The following MARK2 variants were observed in gnomAD, a reference collection of about 807,000 sequenced individuals.
MARK2 encodes microtubule affinity regulating kinase 2, also known as serine/threonine-protein kinase MARK2.
MARK2 carries 16 observed loss-of-function variants against 89.8 expected under a neutral mutation model. The observed-to-expected ratio is 0.18, with a 90% CI of 0.12 to 0.27. The LOEUF (loss-of-function observed/expected upper bound fraction) is 0.27. MARK2 is among the 10% of genes least tolerant of loss of function. The pLI, the probability that MARK2 is intolerant of heterozygous loss-of-function variation, is 1.00. For missense variants in MARK2, 621 were observed against 1,049.9 expected (o/e 0.59, Z 5.65); for synonymous variants, 382 against 399.5 (o/e 0.96, Z 0.52).
At chr11:63,867,551 C>T (rs570400253) in intron 1 of MARK2, among the ~76,000 whole-genome samples, 199 of 152,332 alleles carry the variant, frequency 1.3e-3, no homozygotes, top group African/African-American at 4.3e-3. Context: ...TTTCCAACTT[C>T]ATTTCCATTA....
intron 1 of MARK2, among the ~76,000 whole-genome samples, chr11:63,845,570 G>A (rs542972382): frequency 3.3e-5 from 5 of 152,276 alleles, no homozygotes; most frequent in African/African-American, 1.2e-4. Flanking sequence ...AAAGGGAAGA[G>A]TAAGCCTTTA....
At position 63,903,987 on chromosome 11, in the gene MARK2, C is replaced by T; in HGVS notation, c.1516C>T (p.Leu506=). ...CTCTCCGCTGCTTTTGTTTCCTAGCCTAACCATGCCAGGGTCCCGGGCCTC... is the reference window on the plus strand; with the variant it reads ...CTCTCCGCTGCTTTTGTTTCCTAGCTTAACCATGCCAGGGTCCCGGGCCTC... The part of the protein sequence containing the change: ...QASIQNGKDS[L]TMPGSRASTA... The change falls in exon 15 of 19, where the codon CTA becomes TTA. Residue 506 remains leucine (L), a splice_region_variant and synonymous_variant. Transcript: ENST00000402010. The surrounding 1 kb of genome is among the most constrained non-coding windows in gnomAD (Gnocchi z 5.1). 1.9e-6 allele frequency: 3 copies of T among 1,604,160 alleles called. No individual in the cohort carries two copies. The highest frequency in any genetic ancestry group is 1.1e-5 in the South Asian group (1 of 90,590).
chr11:63,851,367 G>T (rs1047661616), intron 1 of MARK2, among the ~76,000 whole-genome samples: 48 of 152,156 alleles, frequency 3.2e-4, no homozygotes, highest in South Asian at 2.1e-4. Context: ...GGTCACTTGA[G>T]GCTGGAGGAT....
At chr11:63,884,124 T>C (rs1397605868) in intron 1 of MARK2, among the ~76,000 whole-genome samples, 1 of 152,150 alleles carries the variant, frequency 6.6e-6, no homozygotes, top group Non-Finnish European at 1.5e-5. Flanking sequence ...GAGCCAGGGC[T>C]CCAGAGTACT....
At chr11:63,875,788 GGCT>G (rs1352510900) in intron 1 of MARK2, among the ~76,000 whole-genome samples, 1 of 152,234 alleles carries the variant, frequency 6.6e-6, no homozygotes, top group East Asian at 1.9e-4. Context: ...CCGCCAGAGA[GGCT>G]GCTGGATTCT....
intron 18 of MARK2, 35 bp from the exon 19 acceptor site, chr11:63,908,841 GC>G (rs56263226): frequency 5.7e-6 from 8 of 1,410,790 alleles, no homozygotes; most frequent in Non-Finnish European, 6.5e-6. Flanking sequence ...GGGTGCCTCA[GC>G]CCCCCCGTGA....
At chr11:63,873,044 G>A (rs566497778) in intron 1 of MARK2, among the ~76,000 whole-genome samples, 7 of 151,954 alleles carry the variant, frequency 4.6e-5, no homozygotes, top group Middle Eastern at 3.4e-3. Context: ...TTACTGTCCC[G>A]GGCTGGCACT....
intron 1 of MARK2, among the ~76,000 whole-genome samples, chr11:63,858,083 G>A (rs2135230747): frequency 6.6e-6 from 1 of 152,008 alleles, no homozygotes; most frequent in Non-Finnish European, 1.5e-5. Flanking sequence ...GTGGAGTGCA[G>A]TGGCACCATC....
intron 4 of MARK2, 104 bp downstream of exon 4, chr11:63,898,384 C>A: frequency 8.7e-7 from 1 of 1,143,198 alleles, no homozygotes; most frequent in Non-Finnish European, 1.3e-6. Context: ...AGTCTGCAGT[C>A]TTCAAGGATA....
intron 17 of MARK2, 135 bp downstream of exon 17, chr11:63,906,249 C>T: frequency 8.8e-7 from 1 of 1,135,352 alleles, no homozygotes; most frequent in South Asian, 4.3e-5. Flanking sequence ...GCCCTCCTCT[C>T]TCTGCCATCT....
chr11:63,855,075 A>G (rs539780733), intron 1 of MARK2, among the ~76,000 whole-genome samples: 1 of 152,308 alleles, frequency 6.6e-6, no homozygotes, highest in Admixed American at 6.5e-5. Flanking sequence ...ATTTTGGAAA[A>G]CTTGTGTCTG....
intron 1 of MARK2, among the ~76,000 whole-genome samples, chr11:63,846,850 G>C (rs1171923557): frequency 2.6e-5 from 4 of 151,958 alleles, no homozygotes; most frequent in African/African-American, 9.7e-5. Context: ...TAGAGACGGG[G>C]TTTCACCTTG....
At chr11:63,907,737 C>CT (rs1352876589) in intron 17 of MARK2, among the ~76,000 whole-genome samples, 1 of 152,218 alleles carries the variant, frequency 6.6e-6, no homozygotes, top group East Asian at 1.9e-4. Flanking sequence ...GGCCTTGGCA[C>CT]TTTGAGTCTC....
chr11:63,849,800 A>G (rs887179346), intron 1 of MARK2, among the ~76,000 whole-genome samples: 2 of 152,106 alleles, frequency 1.3e-5, no homozygotes, highest in Non-Finnish European at 2.9e-5. Flanking sequence ...CTGTATTGGA[A>G]TCCTGGATCA....
chr11:63,904,822 C>G lies in MARK2; in HGVS notation c.1713C>G (p.Ser571=). 1 of 1,614,138 alleles carries G rather than the reference C, an allele frequency of 6.2e-7. No homozygotes were observed. The highest frequency in any genetic ancestry group is 8.5e-7 in the Non-Finnish European group (1 of 1,180,010). ...APQRVPVASP[S]AHNISSSGGA... ...AGCGTGTCCCTGTTGCCTCCCCATC[C>G]GCCCACAACATCAGCAGCAGTGGTG... Residue 571 remains serine (S), a synonymous_variant, in exon 16 of 19, where the codon TCC becomes TCG. Transcript: ENST00000402010. This position sits in a 1 kb window ranked among gnomAD's most constrained non-coding sequence, Gnocchi z 6.3.
At chr11:63,844,485 GAAA>G (rs950458127) in intron 1 of MARK2, among the ~76,000 whole-genome samples, 7 of 149,744 alleles carry the variant, frequency 4.7e-5, no homozygotes, top group African/African-American at 1.7e-4. Context: ...CACTATCTCA[GAAA>G]AAAAAAATTA....
chr11:63,884,503 A>T (rs1324535295), intron 1 of MARK2, among the ~76,000 whole-genome samples: 1 of 152,248 alleles, frequency 6.6e-6, no homozygotes, highest in Non-Finnish European at 1.5e-5. Context: ...CAGAGAGCTA[A>T]AGGGCAGTAA....
intron 1 of MARK2, chr11:63,868,571 C>A: frequency 3.0e-6 from 1 of 330,502 alleles, no homozygotes; most frequent in Non-Finnish European, 6.1e-6. Flanking sequence ...GTTAAGAACT[C>A]GGAGAGGAAA....
At chr11:63,908,484 G>C (rs528945007) in intron 18 of MARK2, among the ~76,000 whole-genome samples, 180 bp downstream of exon 18, 1 of 152,260 alleles carries the variant, frequency 6.6e-6, no homozygotes, top group African/African-American at 2.4e-5. Context: ...CAGGAGTTAC[G>C]GGCCCTTCTC....
Sources: gnomAD v4.1 joint callset for allele counts (sites outside exome capture counted in the v4.1 genomes callset) on GRCh38, gnomAD v4.1.1 for gene constraint, Gnocchi (gnomAD v3.1) non-coding constraint, MANE v1.5 for transcripts, NCBI Gene and HGNC (gene_info 2026-07-23, HGNC 2026-07-21) for gene names.